CMIP: variants seen among roughly 807,000 people sequenced by gnomAD.
CMIP encodes c-Maf inducing protein, also known as C-Maf-inducing protein.
Under a neutral mutation model 97.3 loss-of-function variants are expected in CMIP, and 13 were observed. The observed-to-expected ratio is 0.13, with a 90% CI of 0.09 to 0.21. The LOEUF (loss-of-function observed/expected upper bound fraction) is 0.21, where lower values mean the gene tolerates loss of function less well. CMIP is among the 10% of genes least tolerant of loss of function. CMIP has a pLI of 1.00. For missense variants in CMIP, 847 were observed against 1,024.9 expected (o/e 0.83, Z 2.37); for synonymous variants, 538 against 436.3 (o/e 1.23, Z -2.91).
intron 1 of CMIP, among the ~76,000 whole-genome samples, chr16:81,572,099 A>G (rs1161117033): frequency 6.6e-6 from 1 of 151,900 alleles, no homozygotes; most frequent in Non-Finnish European, 1.5e-5. Flanking sequence ...CCTTGGGCCC[A>G]TTTCCCTCCT....
chr16:81,460,755 C>G (rs1164637053), intron 1 of CMIP, among the ~76,000 whole-genome samples: 2 of 152,302 alleles, frequency 1.3e-5, no homozygotes, highest in South Asian at 2.1e-4. Context: ...GGGCATCATG[C>G]TGAACGTGGG....
intron 1 of CMIP, among the ~76,000 whole-genome samples, chr16:81,597,513 C>T (rs2091577856): frequency 6.6e-6 from 1 of 150,870 alleles, no homozygotes; most frequent in Admixed American, 6.7e-5. Flanking sequence ...GATGCAATAC[C>T]TTCCTCTTGC....
chr16:81,544,420 G>A (rs961675157), intron 1 of CMIP, among the ~76,000 whole-genome samples: 1 of 144,420 alleles, frequency 6.9e-6, no homozygotes, highest in East Asian at 2.1e-4. Context: ...CTCATCCTCA[G>A]GGGGTAAGTG....
intron 7 of CMIP, chr16:81,666,650 C>T (rs1172956450): frequency 6.6e-6 from 1 of 152,128 alleles, no homozygotes; most frequent in African/African-American, 2.4e-5. Flanking sequence ...CTAAGTGATC[C>T]CAGGTGTCTG....
intron 1 of CMIP, among the ~76,000 whole-genome samples, chr16:81,486,007 G>A (rs2089308485): frequency 6.6e-6 from 1 of 152,236 alleles, no homozygotes; most frequent in Non-Finnish European, 1.5e-5. Flanking sequence ...CTACTGCGGA[G>A]GGTTGAGGGG....
intron 1 of CMIP, among the ~76,000 whole-genome samples, chr16:81,489,098 C>A (rs971847509): frequency 2.0e-5 from 3 of 152,136 alleles, no homozygotes; most frequent in Non-Finnish European, 4.4e-5. Flanking sequence ...TACTCTCAGG[C>A]ACAGGAGATG....
chr16:81,613,095 G>A (rs1217816646), intron 2 of CMIP, among the ~76,000 whole-genome samples: 1 of 152,190 alleles, frequency 6.6e-6, no homozygotes, highest in East Asian at 1.9e-4. Flanking sequence ...TCCTTCAAAA[G>A]TAGACAAGCC....
intron 1 of CMIP, among the ~76,000 whole-genome samples, chr16:81,590,823 TCATCCATCCATCCATCCATC>T (rs79228744): frequency 4.0e-5 from 6 of 150,530 alleles, no homozygotes; most frequent in Admixed American, 6.6e-5. Context: ...TCACTTTCTC[TCATCCATCCATCCATCCATC>T]CATCCATCCA....
chr16:81,703,930 TG>T lies in CMIP; in HGVS notation c.1945-8del. On this transcript the variant is annotated splice_region_variant and splice_polypyrimidine_tract_variant and intron_variant, in intron 17 of 20. Coordinates refer to ENST00000537098, the MANE Select transcript of CMIP (RefSeq NM_198390.3). ...AGCACCCTCAGGCCTCTCCCCCGTC[TG>T]CCCGCAGGACGCTGACTTGGCTCGT... The T allele has an allele frequency of 6.3e-7, 1 of 1,590,828 alleles. No individual in the cohort carries two copies. Among genetic ancestry groups the T allele is most frequent in the Non-Finnish European group, 8.5e-7 (1 of 1,171,608 alleles).
At chr16:81,565,660 C>T (rs2090966900) in intron 1 of CMIP, among the ~76,000 whole-genome samples, 1 of 152,294 alleles carries the variant, frequency 6.6e-6, no homozygotes, top group South Asian at 2.1e-4. Context: ...CCGTGGCATC[C>T]TCATGGCAGC....
intron 1 of CMIP, among the ~76,000 whole-genome samples, chr16:81,530,611 G>A (rs549332565): frequency 9.2e-5 from 14 of 152,010 alleles, no homozygotes; most frequent in South Asian, 2.1e-4. Context: ...TTTCCTCACC[G>A]CTTCCCAAGG....
Position 81,669,599 on chromosome 16 carries a change from CCT to C in CMIP, c.826-539_826-538del, listed in dbSNP as rs575800433. On this transcript the variant is annotated intron_variant, in intron 7 of 20. Transcript: ENST00000537098. ...CACCTCTCACCTCCTTCCACACCCA[CCT>C]CTCACCTCCTTCCGCACCAACCTCT... 1.2e-3 allele frequency among the ~76,000 whole-genome samples: 178 copies of C among 148,704 alleles called. 1 individual carries two copies. Among genetic ancestry groups the C allele is most frequent in the African/African-American group, 4.3e-3 (172 of 40,094 alleles).
intron 10 of CMIP, among the ~76,000 whole-genome samples, chr16:81,679,253 ATGTGTGTG>A (rs71391549): frequency 2.3e-4 from 34 of 148,090 alleles, no homozygotes; most frequent in African/African-American, 7.9e-4. Context: ...CTCTGTAGGG[ATGTGTGTG>A]TGTGTGTGTG....
At chr16:81,673,163 G>A (rs1421880775) in intron 9 of CMIP, among the ~76,000 whole-genome samples, 1 of 152,122 alleles carries the variant, frequency 6.6e-6, no homozygotes, top group Non-Finnish European at 1.5e-5. Flanking sequence ...TTCCTAGGAA[G>A]GTGGTCCCAG....
In CMIP at chr16:81,628,792, G is replaced by T. The variant is rs141590827; in HGVS notation, c.477+7866G>T. Among the ~76,000 whole-genome samples, 222 of 152,278 alleles carry T rather than the reference G, an allele frequency of 1.5e-3. 3 individuals are homozygous for T. Among genetic ancestry groups the T allele is most frequent in the African/African-American group, 5.1e-3 (214 of 41,558 alleles). The stretch of plus-strand genomic sequence containing the variant: ...AGCCTGGGTGTTGCTGGTGCCTGAG[G>T]CTTGCGTGAGAGCTTTCCACTTTTC... On this transcript the variant is annotated intron_variant, in intron 3 of 20. Transcript: ENST00000537098.
At chr16:81,618,349 C>T (rs2091948712) in intron 2 of CMIP, among the ~76,000 whole-genome samples, 1 of 152,176 alleles carries the variant, frequency 6.6e-6, no homozygotes, top group Non-Finnish European at 1.5e-5. Context: ...CCTCCTGCCT[C>T]CCTCTTGTGA....
chr16:81,563,470 C>T (rs773195526), intron 1 of CMIP, among the ~76,000 whole-genome samples: 11 of 152,208 alleles, frequency 7.2e-5, no homozygotes, highest in South Asian at 2.1e-4. Context: ...GGACCAGCAG[C>T]GTCAGCCTCA....
intron 1 of CMIP, among the ~76,000 whole-genome samples, chr16:81,549,350 G>A (rs542903627): frequency 2.6e-4 from 40 of 152,352 alleles, no homozygotes; most frequent in African/African-American, 9.6e-4. Flanking sequence ...ATGGGGGGCC[G>A]TTGGTTTCAC....
intron 1 of CMIP, among the ~76,000 whole-genome samples, chr16:81,448,377 G>T (rs1438157364): frequency 6.6e-6 from 1 of 152,258 alleles, no homozygotes; most frequent in East Asian, 1.9e-4. Flanking sequence ...GAATCTGAGA[G>T]ATTTAAGACC....
Sources: allele counts gnomAD v4.1 joint callset (sites outside exome capture counted in the v4.1 genomes callset), GRCh38; gene constraint gnomAD v4.1.1; transcripts MANE v1.5; gene names NCBI Gene and HGNC (gene_info 2026-07-23, HGNC 2026-07-21).